Variants in PRMT8 observed in about 807,000 individuals in gnomAD.
The protein encoded by PRMT8 is protein arginine N-methyltransferase 8.
In PRMT8, 7 loss-of-function variants were observed where a neutral mutation model predicts 47.1. That is an observed-to-expected ratio of 0.15 (90% CI 0.08 to 0.28). The LOEUF (loss-of-function observed/expected upper bound fraction) is 0.28. PRMT8 is among the 10% of genes least tolerant of loss of function. PRMT8 has a pLI of 1.00. For missense variants in PRMT8, 237 were observed against 505.4 expected (o/e 0.47, Z 5.09); for synonymous variants, 188 against 186.5 (o/e 1.01, Z -0.07).
intron 1 of PRMT8, among the ~76,000 whole-genome samples, chr12:3,397,790 G>A (rs1176839092): frequency 2.0e-5 from 3 of 152,134 alleles, no homozygotes; most frequent in Non-Finnish European, 2.9e-5. Flanking sequence ...CCGGGCAATG[G>A]CGGGCGCCCC....
At chr12:3,411,882 T>C (rs1435635230) in intron 1 of PRMT8, among the ~76,000 whole-genome samples, 2 of 152,242 alleles carry the variant, frequency 1.3e-5, no homozygotes, top group Admixed American at 6.5e-5. Flanking sequence ...CTTTTCTTTA[T>C]GAATGACCCG....
At position 3,557,088 on chromosome 12, in the gene PRMT8, T is replaced by C. The variant is rs1591600955; in HGVS notation, c.481+3374T>C. On this transcript the variant is annotated intron_variant, in intron 4 of 9. Transcript: ENST00000382622. The surrounding 1 kb of genome is among the most constrained non-coding windows in gnomAD (Gnocchi z 4.7). ...CAAAAAGAGAGAAGGTGAAGGGAGG[T>C]GAGTCCTGGAATGAGAGGGAAGGAG... 6.8e-6 allele frequency among the ~76,000 whole-genome samples: 1 copy of C among 146,620 alleles called. No homozygotes were observed. The highest frequency in any genetic ancestry group is 2.5e-5 in the African/African-American group (1 of 39,530).
rs550248666 is a variant in PRMT8 at position 3,537,282 on chromosome 12, G to T, written c.76-3324G>T. Among the ~76,000 whole-genome samples, 91 of 152,254 alleles carry T rather than the reference G, an allele frequency of 6.0e-4. 1 individual carries two copies. The highest frequency in any genetic ancestry group is 2.1e-3 in the African/African-American group (89 of 41,556). ...ATTTCTAATGAGGTTAAACATTTTT[G>T]TTGCACATCAACCTGCCATTTGTAT... is the stretch of plus-strand genomic sequence containing the variant. On this transcript the variant is annotated intron_variant, in intron 1 of 9. Transcript: ENST00000382622.
In PRMT8 at chr12:3,552,720, C is replaced by A. The variant is rs752587853; in HGVS notation, c.418-931C>A. Reference sequence around the variant, plus strand: ...CCCCGTAGGTGCCCTCACCCTTCCTCAAGGCGTGGCCAGAGGCGTCAGAAA... The same window carrying A: ...CCCCGTAGGTGCCCTCACCCTTCCTAAAGGCGTGGCCAGAGGCGTCAGAAA... On this transcript the variant is annotated intron_variant, in intron 3 of 9. Transcript: ENST00000382622. The surrounding 1 kb of genome is among the most constrained non-coding windows in gnomAD (Gnocchi z 4.5). The A allele has an allele frequency of 7.8e-5, 37 of 473,982 alleles. No individual in the cohort carries two copies. Among genetic ancestry groups the A allele is most frequent in the Admixed American group, 7.0e-4 (32 of 45,598 alleles). 29.4% of individuals were successfully genotyped at this position (473,982 alleles called of 1,614,324 possible).
intron 1 of PRMT8, among the ~76,000 whole-genome samples, chr12:3,392,203 TA>T (rs1309895324): frequency 6.6e-6 from 1 of 152,104 alleles, no homozygotes; most frequent in East Asian, 1.9e-4. Context: ...TTTTTATTTT[TA>T]TTTTTTTAAA....
rs1472566411 is a variant in PRMT8 at position 3,557,341 on chromosome 12, G to T, written c.481+3627G>T. Among the ~76,000 whole-genome samples the T allele has an allele frequency of 6.6e-6, 1 of 152,162 alleles. No individual in the cohort carries two copies. Among genetic ancestry groups the T allele is most frequent in the Non-Finnish European group, 1.5e-5 (1 of 68,032 alleles). The stretch of plus-strand genomic sequence containing the variant: ...GGAGCTGGAAGTTGATGACAGTGAT[G>T]GGCCGTGGGATCTAAGCTGGGCCAG... On this transcript the variant is annotated intron_variant, in intron 4 of 9. Coordinates refer to ENST00000382622, the MANE Select transcript of PRMT8 (RefSeq NM_019854.5). The surrounding 1 kb of genome is among the most constrained non-coding windows in gnomAD (Gnocchi z 4.7).
chr12:3,526,997 C>A (rs1279555100), intron 1 of PRMT8, among the ~76,000 whole-genome samples: 1 of 152,082 alleles, frequency 6.6e-6, no homozygotes, highest in Non-Finnish European at 1.5e-5. Context: ...ATTATTGGTG[C>A]AGTTGGGTTC....
At position 3,583,026 on chromosome 12, in the gene PRMT8, G is replaced by C. The variant is rs747625659; in HGVS notation, c.829-32G>C. The C allele has an allele frequency of 1.9e-6, 3 of 1,604,454 alleles. No individual in the cohort carries two copies. The highest frequency in any genetic ancestry group is 8.5e-7 in the Non-Finnish European group (1 of 1,174,610). ...GACCCAGACTTGGTGGAGGCGATAA[G>C]TTCCCGGCATTCTCTCTTCTCTGGG... is the stretch of plus-strand genomic sequence containing the variant. On this transcript the variant is annotated intron_variant, in intron 7 of 9. Transcript: ENST00000382622. This position sits in a 1 kb window ranked among gnomAD's most constrained non-coding sequence, Gnocchi z 4.7.
chr12:3,553,765 C>T (rs373112976), intron 4 of PRMT8, 51 bp downstream of exon 4: 20 of 1,487,098 alleles, frequency 1.3e-5, no homozygotes, highest in East Asian at 2.3e-5. Flanking sequence ...ACGGGAAGCT[C>T]ACACTTTCTT....
intron 7 of PRMT8, among the ~76,000 whole-genome samples, chr12:3,578,123 T>G (rs554421816): frequency 6.6e-6 from 1 of 152,060 alleles, no homozygotes; most frequent in African/African-American, 2.4e-5. Context: ...GCCAAAAAAA[T>G]TTTTTTTGAG....
upstream of PRMT8, among the ~76,000 whole-genome samples, chr12:3,487,756 T>C (rs1250367391): frequency 6.6e-6 from 1 of 152,208 alleles, no homozygotes; most frequent in Admixed American, 6.5e-5. Flanking sequence ...GAGTTAGAGA[T>C]AGACCTCCTT....
chr12:3,434,170 A>G lies in PRMT8; in HGVS notation c.48+52728A>G, dbSNP rs377100571. Among the ~76,000 whole-genome samples, 21 of 152,272 alleles carry G rather than the reference A, an allele frequency of 1.4e-4. No individual in the cohort carries two copies. The South Asian group carries it at 4.4e-3, about 32-fold the overall frequency. ...ACTCGAGGTCTAGTCATTAACAAGA[A>G]AGCACCACCATTAAAACCCTTTAGG... On this transcript the variant is annotated intron_variant, in intron 1 of 9. Transcript: ENST00000452611.
In PRMT8 at chr12:3,491,235, G is replaced by A; in HGVS notation, c.-391G>A. On this transcript the variant is annotated 5_prime_UTR_variant, in exon 1 of 10. Transcript: ENST00000382622. ...CCAGCGGATCGGCAGAAGTTGAGAG[G>A]AGTTGGCGGCTGCCTCCGGCCGGCC... 9.9e-7 allele frequency: 1 copy of A among 1,013,444 alleles called. No homozygotes were observed. Among genetic ancestry groups the A allele is most frequent in the Non-Finnish European group, 1.2e-6 (1 of 848,174 alleles). The allele number at this position is 1,013,444 out of a possible 1,614,324, so 62.8% of individuals were successfully genotyped here.
intron 3 of PRMT8, 190 bp from the exon 4 acceptor site, chr12:3,553,461 T>C: frequency 1.6e-6 from 1 of 612,364 alleles, no homozygotes; most frequent in South Asian, 2.0e-5. Flanking sequence ...GCAGCCCAAT[T>C]TCGTGGAAGG....
intron 1 of PRMT8, among the ~76,000 whole-genome samples, chr12:3,401,147 CA>C (rs34492092): frequency 0.054 from 2,507 of 46,010 alleles, 24 homozygotes; most frequent in African/African-American, 0.17. Context: ...AACTCCATCT[CA>C]AAAAAAAAAA....
At chr12:3,510,911 G>T (rs1014369036) in intron 1 of PRMT8, among the ~76,000 whole-genome samples, 3 of 152,128 alleles carry the variant, frequency 2.0e-5, no homozygotes, top group African/African-American at 7.2e-5. Flanking sequence ...AGTTCCTCGG[G>T]CCCTCAGCTG....
At chr12:3,520,727 C>G (rs1053284424) in intron 1 of PRMT8, among the ~76,000 whole-genome samples, 1 of 152,132 alleles carries the variant, frequency 6.6e-6, no homozygotes, top group African/African-American at 2.4e-5. Context: ...TTGTTCAGCC[C>G]AAATCTGTAA....
intron 1 of PRMT8, among the ~76,000 whole-genome samples, chr12:3,527,986 T>C (rs557044562): frequency 6.6e-6 from 1 of 152,310 alleles, no homozygotes; most frequent in African/African-American, 2.4e-5. Context: ...TCTTCTAGCT[T>C]GTGTTGTTTC....
chr12:3,558,683 T>C (rs7961805), intron 4 of PRMT8, among the ~76,000 whole-genome samples: 42,508 of 152,080 alleles, frequency 0.28, 6,208 homozygotes, highest in East Asian at 0.46. Flanking sequence ...AGTTTGGGAT[T>C]GTGCGCTGGT....
Sources: allele counts gnomAD v4.1 joint callset (sites outside exome capture counted in the v4.1 genomes callset), GRCh38; gene constraint gnomAD v4.1.1; non-coding constraint Gnocchi (gnomAD v3.1); transcripts MANE v1.5; gene names NCBI Gene and HGNC (gene_info 2026-07-23, HGNC 2026-07-21).